APBA2: variants seen among roughly 807,000 people sequenced by gnomAD.
APBA2 encodes amyloid-beta A4 precursor protein-binding family A member 2.
In APBA2, 30 loss-of-function variants were observed where a neutral mutation model predicts 75.0. The ratio of observed to expected loss-of-function variants is 0.40; its 90% CI spans 0.30 to 0.54. The LOEUF (loss-of-function observed/expected upper bound fraction) is 0.54. Among genes scored for constraint, APBA2 ranks in the 20% least tolerant of loss-of-function variants. The pLI, the probability that APBA2 is intolerant of heterozygous loss-of-function variation, is 0.49. For synonymous variants in APBA2, 444 were observed against 409.6 expected, an observed-to-expected ratio of 1.08 and a Z score of -1.01; for missense variants, 801 against 1,016.1, an observed-to-expected ratio of 0.79 and a Z score of 2.88.
rs769284574 is a variant in APBA2 at position 29,108,591 on chromosome 15, G to T, written c.2037+202G>T. ...TCCTGGCTAGAAGGGGAGGGCCAGG[G>T]CATGGCCGTGGATTGGGCCCCTCCA... is the stretch of plus-strand genomic sequence containing the variant. On this transcript the variant is annotated intron_variant, in intron 13 of 14. Coordinates refer to ENST00000683413, the MANE Select transcript of APBA2 (RefSeq NM_001353788.2). 23 of 769,588 alleles carry T rather than the reference G, an allele frequency of 3.0e-5. No individual in the cohort carries two copies. In the South Asian group the frequency reaches 3.9e-4, roughly 13 times the overall value. 47.7% of individuals were successfully genotyped at this position (769,588 alleles called of 1,614,324 possible).
intron 2 of APBA2, 95 bp downstream of exon 2, chr15:28,921,844 A>G (rs1335145241): frequency 6.6e-6 from 1 of 152,224 alleles, no homozygotes; most frequent in African/African-American, 2.4e-5. Flanking sequence ...AAGAAGAGTT[A>G]TAGCCACGAT....
At chr15:29,008,442 A>G (rs958493531) in intron 3 of APBA2, among the ~76,000 whole-genome samples, 1 of 152,198 alleles carries the variant, frequency 6.6e-6, no homozygotes, top group Non-Finnish European at 1.5e-5. Flanking sequence ...AAAGGACTCA[A>G]CACCATATCT....
At chr15:29,102,173 C>CTTAT (rs2044159163) in intron 10 of APBA2, 1 of 336,744 alleles carries the variant, frequency 3.0e-6, no homozygotes, top group African/African-American at 2.1e-5. Context: ...GCACATGAGG[C>CTTAT]TTAGTTCTGC....
intron 10 of APBA2, among the ~76,000 whole-genome samples, chr15:29,104,808 G>C (rs780290630): frequency 6.6e-6 from 1 of 152,332 alleles, no homozygotes; most frequent in Non-Finnish European, 1.5e-5. Flanking sequence ...ATGGGGTCAG[G>C]TGCAGTGGCT....
rs1037248855 is a variant in APBA2, at chr15:29,046,228, T to C, written c.-40-7617T>C. ...AGGAATATGCTTTTAGTGAACTCAA[T>C]GAGATACCAGAAATCCAGTAGGAGA... On this transcript the variant is annotated intron_variant, in intron 3 of 14. Transcript: ENST00000683413. This position sits in a 1 kb window ranked among gnomAD's most constrained non-coding sequence, Gnocchi z 5.0. Among the ~76,000 whole-genome samples, 3 of 152,202 alleles carry C rather than the reference T, an allele frequency of 2.0e-5. No homozygotes were observed. The highest frequency in any genetic ancestry group is 7.2e-5 in the African/African-American group (3 of 41,456).
chr15:29,105,298 C>A, intron 10 of APBA2, 81 bp from the exon 11 acceptor site: 2 of 1,440,528 alleles, frequency 1.4e-6, no homozygotes, highest in Non-Finnish European at 9.5e-7. Flanking sequence ...CTGCACCCAG[C>A]CCTGCCGCAG....
At chr15:28,919,957 C>G (rs1443562438) in intron 1 of APBA2, among the ~76,000 whole-genome samples, 1 of 152,168 alleles carries the variant, frequency 6.6e-6, no homozygotes, top group Non-Finnish European at 1.5e-5. Context: ...ACTCCCAGCC[C>G]GATGCTCCCT....
chr15:28,987,888 C>T (rs1190862740), intron 2 of APBA2, among the ~76,000 whole-genome samples: 1 of 151,334 alleles, frequency 6.6e-6, no homozygotes, highest in Non-Finnish European at 1.5e-5. Flanking sequence ...TCCCAAGTAG[C>T]TGGAATTTAC....
chr15:29,112,621 C>T lies in APBA2; in HGVS notation c.2038-1255C>T, dbSNP rs182128833. On this transcript the variant is annotated intron_variant, in intron 13 of 14. Coordinates refer to ENST00000683413, the MANE Select transcript of APBA2 (RefSeq NM_001353788.2). ...TATGGAATCTGCCTCTCTCCACCCCCTTCTCTTCTAGTCCTAATTCTCCTT... is the reference window on the plus strand; with the variant it reads ...TATGGAATCTGCCTCTCTCCACCCCTTTCTCTTCTAGTCCTAATTCTCCTT... Among the ~76,000 whole-genome samples the T allele has an allele frequency of 3.3e-5, 5 of 152,304 alleles. No individual in the cohort carries two copies. In the East Asian group the frequency reaches 9.7e-4, roughly 29 times the overall value.
chr15:28,893,791 A>G (rs928234083), intron 1 of APBA2: 27 of 152,292 alleles, frequency 1.8e-4, no homozygotes, highest in Admixed American at 9.8e-4. Flanking sequence ...ACTCCTGATT[A>G]TGTCTCTCCC....
intron 9 of APBA2, among the ~76,000 whole-genome samples, chr15:29,098,928 G>T (rs544453981): frequency 1.3e-5 from 2 of 152,160 alleles, no homozygotes; most frequent in Admixed American, 6.5e-5. Context: ...ACCCAGTGCC[G>T]TGCCCTGACC....
intron 2 of APBA2, among the ~76,000 whole-genome samples, chr15:28,940,942 C>A (rs2035187053): frequency 6.6e-6 from 1 of 152,178 alleles, no homozygotes; most frequent in African/African-American, 2.4e-5. Flanking sequence ...CGTGAGCTCA[C>A]CTGATGAGGC....
chr15:29,017,660 T>C (rs2039742512), intron 3 of APBA2, among the ~76,000 whole-genome samples: 1 of 152,114 alleles, frequency 6.6e-6, no homozygotes, highest in East Asian at 1.9e-4. Context: ...CATGCGCCAA[T>C]GTGCCCGGCA....
chr15:28,931,581 G>A (rs1040283011), intron 2 of APBA2, among the ~76,000 whole-genome samples: 1 of 152,170 alleles, frequency 6.6e-6, no homozygotes, highest in African/African-American at 2.4e-5. Flanking sequence ...TCCAGCCGGG[G>A]AAGCATCTGG....
At chr15:29,108,661 T>C (rs1345885442) in intron 13 of APBA2, 1 of 569,436 alleles carries the variant, frequency 1.8e-6, no homozygotes, top group Non-Finnish European at 3.1e-6. Context: ...GTCCCCTGCT[T>C]TGGAGGGAGG....
chr15:29,060,637 G>A (rs1377779657), intron 4 of APBA2, among the ~76,000 whole-genome samples: 1 of 152,122 alleles, frequency 6.6e-6, no homozygotes, highest in African/African-American at 2.4e-5. Flanking sequence ...CAGTAGATAC[G>A]GAAGCCTCCG....
Position 29,108,374 on chromosome 15 carries a change from C to T in APBA2, c.2022C>T (p.Ser674=), listed in dbSNP as rs766411423. The T allele has an allele frequency of 9.9e-6, 16 of 1,613,978 alleles. No individual in the cohort carries two copies. Among genetic ancestry groups the T allele is most frequent in the South Asian group, 7.7e-5 (7 of 91,094 alleles). Residue 674 remains serine (S), a synonymous_variant, in exon 13 of 15, where the codon AGC becomes AGT. Transcript: ENST00000683413. ...ACCTCAAGTACCAGCTGGGCTTCAGCGTGCAGAATGGAATTGTGAGTTCCC... is the reference window on the plus strand; with the variant it reads ...ACCTCAAGTACCAGCTGGGCTTCAGTGTGCAGAATGGAATTGTGAGTTCCC... The part of the protein sequence containing the change: ...RPDLKYQLGF[S]VQNGIICSLM...
intron 2 of APBA2, among the ~76,000 whole-genome samples, chr15:28,955,262 A>G (rs546706432): frequency 3.9e-5 from 6 of 152,132 alleles, no homozygotes; most frequent in Non-Finnish European, 7.4e-5. Context: ...CTTCGGTTTC[A>G]TTGCCCCATA....
At chr15:28,970,402 C>T (rs966721915) in intron 2 of APBA2, 16 of 149,348 alleles carry the variant, frequency 1.1e-4, no homozygotes, top group Non-Finnish European at 1.9e-4. Context: ...ACTGGCCAGG[C>T]ACCGTGGTTC....
Sources: gnomAD v4.1 joint callset for allele counts (sites outside exome capture counted in the v4.1 genomes callset) on GRCh38, gnomAD v4.1.1 for gene constraint, Gnocchi (gnomAD v3.1) non-coding constraint, MANE v1.5 for transcripts, NCBI Gene and HGNC (gene_info 2026-07-23, HGNC 2026-07-21) for gene names.